Variants in ZFAND3 observed in about 807,000 individuals in gnomAD.
ZFAND3 encodes the protein AN1-type zinc finger protein 3.
Under a neutral mutation model 29.6 loss-of-function variants are expected in ZFAND3, and 10 were observed. The observed-to-expected ratio is 0.34, with a 90% CI of 0.21 to 0.57. The LOEUF is 0.57. ZFAND3 is among the 20% of genes least tolerant of loss of function. The pLI is 0.86. For missense variants in ZFAND3, 230 were observed against 304.5 expected, an observed-to-expected ratio of 0.76 and a Z score of 1.82; for synonymous variants, 128 against 112.6, an observed-to-expected ratio of 1.14 and a Z score of -0.87.
chr6:38,051,486 C>T (rs1332073355), intron 2 of ZFAND3, among the ~76,000 whole-genome samples: 1 of 152,326 alleles, frequency 6.6e-6, no homozygotes, highest in East Asian at 1.9e-4. Context: ...CATGCCACTT[C>T]TGTGCCATTG....
intron 2 of ZFAND3, among the ~76,000 whole-genome samples, chr6:37,995,181 A>G (rs1216798764): frequency 6.6e-6 from 1 of 152,208 alleles, no homozygotes. Flanking sequence ...GACAGATCCT[A>G]TTAACCCCAT....
intron 2 of ZFAND3, among the ~76,000 whole-genome samples, chr6:37,932,540 A>G (rs951258559): frequency 1.1e-4 from 16 of 152,192 alleles, no homozygotes; most frequent in African/African-American, 2.9e-4. Flanking sequence ...ATTAGATTAT[A>G]TATTTGTCCC....
intron 2 of ZFAND3, among the ~76,000 whole-genome samples, chr6:37,988,006 T>C (rs897391076): frequency 1.3e-5 from 2 of 152,222 alleles, no homozygotes; most frequent in African/African-American, 4.8e-5. Context: ...ATTCTTACTC[T>C]TACAGAAGCA....
intron 2 of ZFAND3, among the ~76,000 whole-genome samples, chr6:38,019,210 G>T (rs1376966971): frequency 6.6e-6 from 1 of 152,100 alleles, no homozygotes. Flanking sequence ...CACCCACCTC[G>T]GCCTCCCAAA....
intron 2 of ZFAND3, among the ~76,000 whole-genome samples, chr6:38,018,901 T>C (rs1361022422): frequency 6.6e-6 from 1 of 152,210 alleles, no homozygotes; most frequent in African/African-American, 2.4e-5. Flanking sequence ...ACACTCCCAC[T>C]GGCAGTGTTT....
At chr6:37,879,322 TTTTTGTTTTTTG>T (rs1434838615) in intron 1 of ZFAND3, among the ~76,000 whole-genome samples, 1 of 151,602 alleles carries the variant, frequency 6.6e-6, no homozygotes, top group Non-Finnish European at 1.5e-5. Context: ...GCAGAAGTTT[TTTTTGTTTTTTG>T]TTTTGTTTTT....
At chr6:38,020,559 A>G (rs1484847037) in intron 2 of ZFAND3, among the ~76,000 whole-genome samples, 1 of 152,244 alleles carries the variant, frequency 6.6e-6, no homozygotes, top group African/African-American at 2.4e-5. Flanking sequence ...TTTGTGTTAA[A>G]GCAAGACAAC....
chr6:38,098,405 C>G (rs986342532), intron 4 of ZFAND3, among the ~76,000 whole-genome samples: 1 of 152,218 alleles, frequency 6.6e-6, no homozygotes, highest in Admixed American at 6.5e-5. Flanking sequence ...CAGCCTTGGT[C>G]TCCCAAAGTT....
chr6:38,128,309 G>T (rs553831126), intron 5 of ZFAND3, among the ~76,000 whole-genome samples: 1 of 152,246 alleles, frequency 6.6e-6, no homozygotes, highest in Admixed American at 6.5e-5. Flanking sequence ...CACCCTAATA[G>T]ATTCTTCCTG....
intron 2 of ZFAND3, among the ~76,000 whole-genome samples, chr6:38,012,717 C>T (rs1275278905): frequency 6.6e-6 from 1 of 152,012 alleles, no homozygotes; most frequent in Non-Finnish European, 1.5e-5. Context: ...GTGTGCAGGT[C>T]CAGAAATCGT....
intron 2 of ZFAND3, among the ~76,000 whole-genome samples, chr6:38,057,704 T>C (rs1764157238): frequency 6.6e-6 from 1 of 152,206 alleles, no homozygotes; most frequent in African/African-American, 2.4e-5. Flanking sequence ...GACTTTGGCA[T>C]GGAAGTTAGA....
chr6:37,967,971 G>A (rs1247182269), intron 2 of ZFAND3, among the ~76,000 whole-genome samples: 3 of 152,042 alleles, frequency 2.0e-5, no homozygotes, highest in African/African-American at 7.2e-5. Context: ...GCTGCCATAC[G>A]TAAATTGTAA....
chr6:37,847,533 C>T (rs907556971), intron 1 of ZFAND3, among the ~76,000 whole-genome samples: 1 of 152,102 alleles, frequency 6.6e-6, no homozygotes, highest in Admixed American at 6.5e-5. Flanking sequence ...GAGATCGCGC[C>T]ACTGCACTCC....
intron 5 of ZFAND3, among the ~76,000 whole-genome samples, chr6:38,140,765 T>C (rs886319783): frequency 6.6e-6 from 1 of 152,212 alleles, no homozygotes; most frequent in African/African-American, 2.4e-5. Flanking sequence ...ATGTGGTTAT[T>C]AATACCTTCC....
chr6:38,087,701 A>G (rs1764785780), intron 4 of ZFAND3, among the ~76,000 whole-genome samples: 1 of 152,194 alleles, frequency 6.6e-6, no homozygotes, highest in Admixed American at 6.6e-5. Context: ...AAGTATTGAC[A>G]AGGATGTGGA....
Position 37,819,838 on chromosome 6 carries a change from C to G in ZFAND3, c.-108C>G. Reference sequence around the variant, plus strand: ...CCCGCGCGCCCGCTCCTTCCCCCTCCCCCCGCCCCGAGCCCCCCGACGCCG... The same window carrying G: ...CCCGCGCGCCCGCTCCTTCCCCCTCGCCCCGCCCCGAGCCCCCCGACGCCG... On this transcript the variant is annotated 5_prime_UTR_variant, in exon 1 of 6. Coordinates refer to ENST00000287218, the MANE Select transcript of ZFAND3 (RefSeq NM_021943.3). 8.1e-6 allele frequency: 5 copies of G among 616,844 alleles called. No individual in the cohort carries two copies. The highest frequency in any genetic ancestry group is 1.1e-5 in the Non-Finnish European group (5 of 466,770). 38.2% of individuals were successfully genotyped at this position (616,844 alleles called of 1,614,324 possible).
chr6:37,949,761 G>A (rs1026686253), intron 2 of ZFAND3, among the ~76,000 whole-genome samples: 2 of 152,202 alleles, frequency 1.3e-5, no homozygotes, highest in Non-Finnish European at 2.9e-5. Flanking sequence ...AAGGTCCCAA[G>A]CACTGGAGCT....
At chr6:38,121,574 C>T (rs1170194087) in intron 5 of ZFAND3, among the ~76,000 whole-genome samples, 1 of 152,134 alleles carries the variant, frequency 6.6e-6, no homozygotes, top group African/African-American at 2.4e-5. Context: ...GAATACAACC[C>T]TCTATCCCTC....
intron 5 of ZFAND3, among the ~76,000 whole-genome samples, chr6:38,119,721 A>G (rs1765491808): frequency 6.6e-6 from 1 of 152,242 alleles, no homozygotes; most frequent in Non-Finnish European, 1.5e-5. Context: ...TCGTCCAAAC[A>G]CTGCCAGTGA....
Sources: gnomAD v4.1 joint callset for allele counts (sites outside exome capture counted in the v4.1 genomes callset) on GRCh38, gnomAD v4.1.1 for gene constraint, MANE v1.5 for transcripts, NCBI Gene and HGNC (gene_info 2026-07-23, HGNC 2026-07-21) for gene names.